Variants in ANKS1B observed in about 807,000 individuals in gnomAD.
The protein encoded by ANKS1B is ankyrin repeat and sterile alpha motif domain containing 1B, also known as ankyrin repeat and sterile alpha motif domain-containing protein 1B.
In ANKS1B, 36 loss-of-function variants were observed where a neutral mutation model predicts 148.3. The observed-to-expected ratio is 0.24, with a 90% CI of 0.19 to 0.32. The LOEUF is 0.32. Among genes scored for constraint, ANKS1B ranks in the 10% least tolerant of loss-of-function variants. ANKS1B has a pLI of 1.00. For synonymous variants in ANKS1B, 542 were observed against 560.8 expected (o/e 0.97, Z 0.47); for missense variants, 1,157 against 1,542.6 (o/e 0.75, Z 4.19).
chr12:99,362,610 T>C (rs989400286), intron 12 of ANKS1B, among the ~76,000 whole-genome samples: 1 of 152,046 alleles, frequency 6.6e-6, no homozygotes, highest in Non-Finnish European at 1.5e-5. Context: ...AACAAGAACT[T>C]GAATTTTTTA....
At chr12:99,444,906 C>T (rs918229222) in intron 10 of ANKS1B, among the ~76,000 whole-genome samples, 11 of 151,844 alleles carry the variant, frequency 7.2e-5, no homozygotes, top group Non-Finnish European at 4.4e-5. Flanking sequence ...GGCATCTTTT[C>T]CTCATAAAAC....
At chr12:99,429,531 T>G (rs913929087) in intron 11 of ANKS1B, among the ~76,000 whole-genome samples, 1 of 152,242 alleles carries the variant, frequency 6.6e-6, no homozygotes, top group Non-Finnish European at 1.5e-5. Context: ...AACTAGATAC[T>G]TTTACCATAA....
intron 10 of ANKS1B, among the ~76,000 whole-genome samples, chr12:99,502,177 A>G (rs375075729): frequency 6.6e-6 from 1 of 152,134 alleles, no homozygotes; most frequent in Non-Finnish European, 1.5e-5. Flanking sequence ...TCTGTGCCCC[A>G]ATTAAAGCTC....
intron 11 of ANKS1B, among the ~76,000 whole-genome samples, chr12:99,411,128 T>C (rs922432369): frequency 6.6e-6 from 1 of 152,110 alleles, no homozygotes; most frequent in African/African-American, 2.4e-5. Context: ...AACAGTTAAG[T>C]CAAGATTCCA....
At chr12:99,172,027 A>T (rs919673713) in intron 14 of ANKS1B, among the ~76,000 whole-genome samples, 3 of 152,166 alleles carry the variant, frequency 2.0e-5, no homozygotes, top group Non-Finnish European at 2.9e-5. Context: ...CTTGGCTTGG[A>T]TAGAGAGCTT....
intron 15 of ANKS1B, among the ~76,000 whole-genome samples, chr12:99,114,146 G>A (rs139205033): frequency 5.9e-5 from 9 of 152,228 alleles, no homozygotes; most frequent in African/African-American, 1.9e-4. Context: ...TCACCAATTA[G>A]GAAATTGAAA....
chr12:99,431,276 G>A (rs961404101), intron 11 of ANKS1B, among the ~76,000 whole-genome samples: 15 of 151,998 alleles, frequency 9.9e-5, no homozygotes, highest in East Asian at 5.8e-4. Context: ...TCCATCTCAC[G>A]TGGTTTCTCA....
chr12:99,820,061 TCTCTA>T lies in ANKS1B; in HGVS notation c.215+5243_215+5247del, dbSNP rs200833153. On this transcript the variant is annotated intron_variant, in intron 2 of 26. Transcript: ENST00000683438. ...AGAGAAAAAGATACAAAGAAATAGCTCTCTACTCTATCTATGGAAATAATTTATAA... is the reference window on the plus strand; with the variant it reads ...AGAGAAAAAGATACAAAGAAATAGCTCTCTATCTATGGAAATAATTTATAA... 3.0e-3 allele frequency among the ~76,000 whole-genome samples: 452 copies of T among 151,278 alleles called. 2 individuals carry two copies. Among genetic ancestry groups the T allele is most frequent in the African/African-American group, 9.8e-3 (404 of 41,276 alleles).
At chr12:98,816,774 G>A (rs923856807) in intron 19 of ANKS1B, among the ~76,000 whole-genome samples, 3 of 151,996 alleles carry the variant, frequency 2.0e-5, no homozygotes, top group Admixed American at 1.3e-4. Context: ...CTTTCTCCGT[G>A]GACAGAACCA....
At chr12:99,893,037 C>CT (rs1474642405) in intron 1 of ANKS1B, among the ~76,000 whole-genome samples, 1 of 152,106 alleles carries the variant, frequency 6.6e-6, no homozygotes, top group Non-Finnish European at 1.5e-5. Flanking sequence ...TTCGCACTAG[C>CT]TTTACAGAGC....
intron 9 of ANKS1B, among the ~76,000 whole-genome samples, chr12:99,560,049 A>G (rs2097316473): frequency 6.6e-6 from 1 of 152,192 alleles, no homozygotes; most frequent in African/African-American, 2.4e-5. Context: ...ACTTGAAGCA[A>G]ACATTTTATA....
At chr12:99,380,153 G>A (rs2093577068) in intron 12 of ANKS1B, among the ~76,000 whole-genome samples, 2 of 152,152 alleles carry the variant, frequency 1.3e-5, no homozygotes, top group Non-Finnish European at 2.9e-5. Context: ...ATCCTCTCAT[G>A]GGAGGATTAC....
intron 15 of ANKS1B, among the ~76,000 whole-genome samples, chr12:99,126,693 C>G (rs2064457027): frequency 6.6e-6 from 1 of 152,174 alleles, no homozygotes; most frequent in African/African-American, 2.4e-5. Flanking sequence ...TTTTAATTTT[C>G]TTTGCACTCT....
At chr12:99,210,295 A>G (rs1159476662) in intron 14 of ANKS1B, among the ~76,000 whole-genome samples, 3 of 152,206 alleles carry the variant, frequency 2.0e-5, no homozygotes, top group Admixed American at 2.0e-4. Context: ...TAACTCTTAC[A>G]GACAGCTTGT....
intron 8 of ANKS1B, among the ~76,000 whole-genome samples, chr12:99,680,634 GA>G (rs1187409086): frequency 6.6e-6 from 1 of 152,182 alleles, no homozygotes; most frequent in Non-Finnish European, 1.5e-5. Flanking sequence ...AGAATCGGGG[GA>G]GGGGGAGAAT....
intron 15 of ANKS1B, among the ~76,000 whole-genome samples, chr12:99,115,628 TAA>T (rs34984761): frequency 2.0e-5 from 3 of 150,944 alleles, no homozygotes; most frequent in Non-Finnish European, 4.4e-5. Context: ...AAATAAAAGT[TAA>T]AAAAAAAATG....
At chr12:99,717,276 C>T (rs2057451344) in intron 8 of ANKS1B, among the ~76,000 whole-genome samples, 1 of 152,034 alleles carries the variant, frequency 6.6e-6, no homozygotes. Context: ...CTTAATTAAC[C>T]TCTCCTTCAA....
At chr12:99,671,609 T>C (rs925635035) in intron 8 of ANKS1B, among the ~76,000 whole-genome samples, 2 of 152,132 alleles carry the variant, frequency 1.3e-5, no homozygotes, top group African/African-American at 2.4e-5. Flanking sequence ...AGAAAAAGTA[T>C]ATAATTAAAA....
intron 9 of ANKS1B, among the ~76,000 whole-genome samples, chr12:99,649,085 A>C (rs1362493413): frequency 6.6e-6 from 1 of 152,224 alleles, no homozygotes; most frequent in Non-Finnish European, 1.5e-5. Context: ...CATCCTGACC[A>C]GTCTATTCTG....
Sources: gnomAD v4.1 joint callset for allele counts (sites outside exome capture counted in the v4.1 genomes callset) on GRCh38, gnomAD v4.1.1 for gene constraint, MANE v1.5 for transcripts, NCBI Gene and HGNC (gene_info 2026-07-23, HGNC 2026-07-21) for gene names.